The following TBCE variants were observed in gnomAD, a reference collection of about 807,000 sequenced individuals.
The protein encoded by TBCE is tubulin folding cofactor E.
A neutral mutation model predicts 77.0 loss-of-function variants in TBCE; 53 were observed. The ratio of observed to expected loss-of-function variants is 0.69; its 90% CI spans 0.55 to 0.87. The LOEUF is 0.87. Ranked by LOEUF, TBCE falls within the 40% of genes least tolerant of loss-of-function variation. The probability of loss-of-function intolerance (pLI) is 0.00; values close to 1 mark genes in which losing one functional copy is unlikely to be tolerated. For missense variants in TBCE, 624 were observed against 622.4 expected (o/e 1.00, Z -0.03); for synonymous variants, 235 against 241.3 (o/e 0.97, Z 0.24).
In TBCE at chr1:235,448,872, C is replaced by A; in HGVS notation, c.*110C>A. 1.2e-6 allele frequency: 1 copy of A among 845,542 alleles called. No individual in the cohort carries two copies. Among genetic ancestry groups the A allele is most frequent in the Non-Finnish European group, 2.0e-6 (1 of 510,960 alleles). The allele number at this position is 845,542 out of a possible 1,614,324, so 52.4% of individuals were successfully genotyped here. ...CTGTCAAAACAAAGGGGGTTTACAA[C>A]TTGTCCTAAGTATAACAAGGGATGT... On this transcript the variant is annotated 3_prime_UTR_variant, in exon 17 of 17. Coordinates refer to ENST00000642610, the MANE Select transcript of TBCE (RefSeq NM_003193.5).
At chr1:235,374,998 G>T (rs1273965607) in intron 1 of TBCE, among the ~76,000 whole-genome samples, 2 of 129,944 alleles carry the variant, frequency 1.5e-5, no homozygotes, top group Non-Finnish European at 3.1e-5. Context: ...TCGGCTCACT[G>T]CAAGCTCCGC....
At chr1:235,436,888 G>A (rs916824743) in intron 11 of TBCE, among the ~76,000 whole-genome samples, 6 of 152,010 alleles carry the variant, frequency 3.9e-5, no homozygotes, top group African/African-American at 1.2e-4. Context: ...GGAGGTCGAG[G>A]CGGGCGGATC....
chr1:235,402,305 G>C (rs938286801), intron 3 of TBCE, among the ~76,000 whole-genome samples: 1 of 151,444 alleles, frequency 6.6e-6, no homozygotes, highest in Non-Finnish European at 1.5e-5. Flanking sequence ...CTTGTGATCC[G>C]CCCGCCTCAG....
chr1:235,449,044 A>G lies in TBCE; in HGVS notation c.*282A>G. The G allele has an allele frequency of 2.9e-6, 1 of 348,344 alleles. No individual in the cohort carries two copies. The highest frequency in any genetic ancestry group is 2.7e-5 in the South Asian group (1 of 37,616). The allele number at this position is 348,344 out of a possible 1,614,324, so 21.6% of individuals were successfully genotyped here. On this transcript the variant is annotated 3_prime_UTR_variant, in exon 17 of 17. Coordinates refer to ENST00000642610, the MANE Select transcript of TBCE (RefSeq NM_003193.5). ...TCATGATAAGATTTAAATATTAAAT[A>G]GAAAGAAACTAGCTAGCCTAATAAA...
intron 8 of TBCE, among the ~76,000 whole-genome samples, chr1:235,434,981 A>C: frequency 6.6e-6 from 1 of 152,338 alleles, no homozygotes; most frequent in Middle Eastern, 3.4e-3. Flanking sequence ...ATATTAAATT[A>C]CTATGTAAAA....
At chr1:235,394,557 A>G (rs1678613131) in intron 2 of TBCE, among the ~76,000 whole-genome samples, 1 of 149,616 alleles carries the variant, frequency 6.7e-6, no homozygotes, top group South Asian at 2.1e-4. Flanking sequence ...TAGCCTCCCA[A>G]GTTGCTGGGA....
chr1:235,436,591 G>A lies in TBCE; in HGVS notation c.946G>A (p.Asp316Asn), dbSNP rs750953317. ...FPSLKYLVVN[D>N]NQISQWSFFN... ...ATCCTTGAAGTACCTGGTAGTAAACGACAATCAGATATCACAAGTAAGAGC... is the reference window on the plus strand; with the variant it reads ...ATCCTTGAAGTACCTGGTAGTAAACAACAATCAGATATCACAAGTAAGAGC... Residue 316 changes from aspartate (D) to asparagine (N), a missense_variant, in exon 11 of 17, where the codon GAC becomes AAC. Coordinates refer to ENST00000642610, the MANE Select transcript of TBCE (RefSeq NM_003193.5). The A allele has an allele frequency of 6.8e-6, 11 of 1,613,852 alleles. No individual in the cohort carries two copies. The highest frequency in any genetic ancestry group is 5.0e-5 in the Admixed American group (3 of 60,014).
At chr1:235,427,045 A>G (rs1680760751) in intron 5 of TBCE, 95 bp from the exon 6 acceptor site, 4 of 871,590 alleles carry the variant, frequency 4.6e-6, no homozygotes, top group Non-Finnish European at 7.5e-6. Flanking sequence ...TATAAAATGA[A>G]AAGTTAAAAC....
Position 235,448,906 on chromosome 1 carries a change from T to A in TBCE, c.*144T>A, listed in dbSNP as rs1682695592. On this transcript the variant is annotated 3_prime_UTR_variant, in exon 17 of 17. Transcript: ENST00000642610. The stretch of plus-strand genomic sequence containing the variant: ...AGTATAACAAGGGATGTATTTTTTG[T>A]TGGGAAGTGACCATTTCTAGGCTTA... 1.4e-6 allele frequency: 1 copy of A among 692,066 alleles called. No homozygotes were observed. Among genetic ancestry groups the A allele is most frequent in the African/African-American group, 1.8e-5 (1 of 56,548 alleles). The allele number at this position is 692,066 out of a possible 1,614,324, so 42.9% of individuals were successfully genotyped here.
intron 5 of TBCE, among the ~76,000 whole-genome samples, chr1:235,425,030 A>G (rs1680628187): frequency 6.6e-6 from 1 of 152,090 alleles, no homozygotes; most frequent in Non-Finnish European, 1.5e-5. Flanking sequence ...GGTGTACCCC[A>G]AGGCTCAGAC....
At position 235,384,502 on chromosome 1, in the gene TBCE, T is replaced by C. The variant is rs1677871238; in HGVS notation, c.100+4353T>C. On this transcript the variant is annotated intron_variant, in intron 2 of 16. Transcript: ENST00000642610. ...ATTGCCACAATTTCAGAGCCTGTTA[T>C]TGGTCTATTCAGAGATTCAACTTCT... Among the ~76,000 whole-genome samples, 4 of 147,342 alleles carry C rather than the reference T, an allele frequency of 2.7e-5. No individual in the cohort carries two copies. The Admixed American group carries it at 2.8e-4, about 10-fold the overall frequency.
chr1:235,443,293 C>T (rs1682028615), intron 15 of TBCE, among the ~76,000 whole-genome samples: 1 of 152,148 alleles, frequency 6.6e-6, no homozygotes, highest in Non-Finnish European at 1.5e-5. Flanking sequence ...CCTCTGCTTC[C>T]TGGGCCCAAG....
At chr1:235,388,000 G>T (rs1217227242) in intron 2 of TBCE, among the ~76,000 whole-genome samples, 1 of 152,100 alleles carries the variant, frequency 6.6e-6, no homozygotes, top group Non-Finnish European at 1.5e-5. Flanking sequence ...TGGAGGCTGT[G>T]GAAGTCTTTA....
intron 6 of TBCE, 133 bp from the exon 7 acceptor site, chr1:235,430,572 A>T (rs1485314052): frequency 1.4e-5 from 9 of 655,424 alleles, no homozygotes; most frequent in Non-Finnish European, 2.4e-5. Flanking sequence ...GTGATTTTTA[A>T]AATATAATTC....
At position 235,416,876 on chromosome 1, in the gene TBCE, G is replaced by T. The variant is rs147189808; in HGVS notation, c.371+2258G>T. Among the ~76,000 whole-genome samples, 355 of 152,274 alleles carry T rather than the reference G, an allele frequency of 2.3e-3. 2 individuals are homozygous for T. The highest frequency in any genetic ancestry group is 7.2e-3 in the African/African-American group (301 of 41,542). ...TGTTGGAGTTAGGCTGGGTTCAGCC[G>T]CCAGCTAAGGCACTTTTGGCTCTGA... On this transcript the variant is annotated intron_variant, in intron 4 of 16. Coordinates refer to ENST00000642610, the MANE Select transcript of TBCE (RefSeq NM_003193.5).
intron 2 of TBCE, among the ~76,000 whole-genome samples, chr1:235,381,776 TTTC>T (rs1677669981): frequency 6.6e-6 from 1 of 151,064 alleles, no homozygotes; most frequent in Admixed American, 6.6e-5. Context: ...AATAATTATT[TTTC>T]TTTTTTTTCT....
At chr1:235,440,729 C>G (rs1260809025) in intron 13 of TBCE, 2 of 152,164 alleles carry the variant, frequency 1.3e-5, no homozygotes. Context: ...CCAGGTAATT[C>G]TAGTGAATAG....
chr1:235,388,952 T>G (rs571065651), intron 2 of TBCE, among the ~76,000 whole-genome samples: 1 of 152,272 alleles, frequency 6.6e-6, no homozygotes, highest in East Asian at 1.9e-4. Context: ...CATTATACAT[T>G]AGTGATGATC....
Position 235,432,245 on chromosome 1 carries a change from A to G in TBCE, c.660+1441A>G, listed in dbSNP as rs1447135313. Among the ~76,000 whole-genome samples, 4 of 152,212 alleles carry G rather than the reference A, an allele frequency of 2.6e-5. No homozygotes were observed. In the East Asian group the frequency reaches 7.8e-4, roughly 29 times the overall value. ...ATGATCTGCCTGTCTCAGCCTCCCA[A>G]AATGCTGGGATTACAGGCGTGAGCC... On this transcript the variant is annotated intron_variant, in intron 7 of 16. Transcript: ENST00000642610.
Sources: gnomAD v4.1 joint callset for allele counts (sites outside exome capture counted in the v4.1 genomes callset) on GRCh38, gnomAD v4.1.1 for gene constraint, MANE v1.5 for transcripts, NCBI Gene and HGNC (gene_info 2026-07-23, HGNC 2026-07-21) for gene names.